GAN: variants seen among roughly 807,000 people sequenced by gnomAD.
GAN encodes the protein epididymis secretory sperm binding protein.
Under a neutral mutation model 71.3 loss-of-function variants are expected in GAN, and 48 were observed. The ratio of observed to expected loss-of-function variants is 0.67; its 90% CI spans 0.53 to 0.86. The LOEUF is 0.86. Ranked by LOEUF, GAN falls within the 40% of genes least tolerant of loss-of-function variation. GAN has a pLI of 0.00. For synonymous variants in GAN, 386 were observed against 276.8 expected (o/e 1.39, Z -3.92); for missense variants, 928 against 770.1 (o/e 1.21, Z -2.43).
intron 9 of GAN, among the ~76,000 whole-genome samples, chr16:81,370,006 T>C (rs752725316): frequency 2.0e-5 from 3 of 152,198 alleles, no homozygotes; most frequent in Non-Finnish European, 2.9e-5. Context: ...TTCCCAACCT[T>C]AGTATGGCAG....
At chr16:81,325,250 G>C (rs1909346675) in intron 1 of GAN, among the ~76,000 whole-genome samples, 1 of 152,236 alleles carries the variant, frequency 6.6e-6, no homozygotes, top group South Asian at 2.1e-4. Context: ...TAATTTTACA[G>C]ATACTTCTAG....
At chr16:81,351,551 A>T in intron 1 of GAN, 32 bp from the exon 2 acceptor site, 1 of 878,650 alleles carries the variant, frequency 1.1e-6, no homozygotes, top group Non-Finnish European at 2.0e-6. Flanking sequence ...CTGTTCTTTC[A>T]TAGAAATTTT....
In GAN at chr16:81,319,973, A is replaced by G. The variant is rs376450002; in HGVS notation, c.167+4693A>G. ...TTTATAGCTTTATTGTGTCATTTAA[A>G]GTTTTGTTTTATGTTAATATTAAAG... On this transcript the variant is annotated intron_variant, in intron 1 of 10. Coordinates refer to ENST00000648994, the MANE Select transcript of GAN (RefSeq NM_022041.4). Among the ~76,000 whole-genome samples, 16 of 152,268 alleles carry G rather than the reference A, an allele frequency of 1.1e-4. No individual in the cohort carries two copies. In the East Asian group the frequency reaches 1.3e-3, roughly 13 times the overall value.
intron 5 of GAN, among the ~76,000 whole-genome samples, chr16:81,358,554 A>G (rs889397769): frequency 6.6e-6 from 1 of 151,996 alleles, no homozygotes; most frequent in African/African-American, 2.4e-5. Flanking sequence ...GACTGCTGTG[A>G]GCCAAGATCA....
chr16:81,320,133 A>G (rs1281355721), intron 1 of GAN, among the ~76,000 whole-genome samples: 2 of 152,212 alleles, frequency 1.3e-5, no homozygotes, highest in East Asian at 3.8e-4. Context: ...ATTATTGATG[A>G]GCCTGTTTTG....
rs574113017 is a variant in GAN at position 81,347,487 on chromosome 16, T to G, written c.168-4096T>G. Among the ~76,000 whole-genome samples, 15 of 152,360 alleles carry G rather than the reference T, an allele frequency of 9.8e-5. No individual in the cohort carries two copies. In the South Asian group the frequency reaches 2.5e-3, roughly 25 times the overall value. On this transcript the variant is annotated intron_variant, in intron 1 of 10. Coordinates refer to ENST00000648994, the MANE Select transcript of GAN (RefSeq NM_022041.4). ...CCTTTCACTTCCTTCCTGTTTGGAT[T>G]GCATCTTGTTAGTATCCAGAATCTT...
chr16:81,369,765 G>A (rs903666586), intron 9 of GAN, among the ~76,000 whole-genome samples: 9 of 152,160 alleles, frequency 5.9e-5, no homozygotes, highest in African/African-American at 1.9e-4. Flanking sequence ...CTAATTTTTA[G>A]TAGAGGCAGG....
Position 81,390,274 on chromosome 16 carries a change from T to C in GAN, c.*12678T>C, listed in dbSNP as rs1393543303. The C allele has an allele frequency of 6.6e-6, 1 of 152,252 alleles. No individual in the cohort carries two copies. Among genetic ancestry groups the C allele is most frequent in the Admixed American group, 6.5e-5 (1 of 15,290 alleles). The allele number at this position is 152,252 out of a possible 1,614,324, so 9.4% of individuals were successfully genotyped here. ...GTGCTAAGTTGATTTCATTGAAATG[T>C]CACGTCTCACATCCTGTGGTCCAAA... On this transcript the variant is annotated 3_prime_UTR_variant, in exon 11 of 11. Transcript: ENST00000648994.
At chr16:81,357,664 T>C in intron 4 of GAN, 146 bp from the exon 5 acceptor site, 1 of 742,250 alleles carries the variant, frequency 1.3e-6, no homozygotes, top group African/African-American at 1.7e-5. Context: ...TAGTTCTAGA[T>C]CCCTGAGGAA....
In GAN at chr16:81,381,254, C is replaced by T. The variant is rs1904303336; in HGVS notation, c.*3658C>T. 6.6e-6 allele frequency: 1 copy of T among 152,130 alleles called. No homozygotes were observed. The highest frequency in any genetic ancestry group is 1.5e-5 in the Non-Finnish European group (1 of 68,022). 9.4% of individuals were successfully genotyped at this position (152,130 alleles called of 1,614,324 possible). ...TTGGTACATTCCTACCTCAGTGTACCAAACCAGGGATTCCAAAAACCTTCC... is the reference window on the plus strand; with the variant it reads ...TTGGTACATTCCTACCTCAGTGTACTAAACCAGGGATTCCAAAAACCTTCC... On this transcript the variant is annotated 3_prime_UTR_variant, in exon 11 of 11. Coordinates refer to ENST00000648994, the MANE Select transcript of GAN (RefSeq NM_022041.4).
intron 6 of GAN, among the ~76,000 whole-genome samples, chr16:81,363,383 G>A (rs1407211875): frequency 6.6e-6 from 1 of 152,218 alleles, no homozygotes; most frequent in Non-Finnish European, 1.5e-5. Context: ...TGTTGTGCTG[G>A]AAGAGTGGGC....
intron 5 of GAN, 66 bp downstream of exon 5, chr16:81,357,997 A>G (rs1910548586): frequency 5.4e-6 from 7 of 1,289,820 alleles, no homozygotes; most frequent in South Asian, 1.2e-5. Context: ...AAGGTTTTAC[A>G]GAATGACTCA....
At chr16:81,350,059 A>C (rs547125859) in intron 1 of GAN, among the ~76,000 whole-genome samples, 2 of 152,280 alleles carry the variant, frequency 1.3e-5, no homozygotes, top group South Asian at 4.1e-4. Flanking sequence ...CAAATTCTTC[A>C]TCAGTTTGTT....
At position 81,365,055 on chromosome 16, in the gene GAN, T is replaced by C; in HGVS notation, c.1318T>C (p.Cys440Arg). 1 of 1,613,530 alleles carries C rather than the reference T, an allele frequency of 6.2e-7. No homozygotes were observed. Among genetic ancestry groups the C allele is most frequent in the Middle Eastern group, 1.7e-4 (1 of 6,054 alleles). The change falls in exon 8 of 11, where the codon TGT becomes CGT. Residue 440 changes from cysteine (C) to arginine (R), a missense_variant. Coordinates refer to ENST00000648994, the MANE Select transcript of GAN (RefSeq NM_022041.4). ...CGGAAAGCTTTTTGAGTCTGTAGAGTGTTATGATCCCAGGACCCAGCAGTG... is the reference window on the plus strand; with the variant it reads ...CGGAAAGCTTTTTGAGTCTGTAGAGCGTTATGATCCCAGGACCCAGCAGTG... ...SYGKLFESVE[C>R]YDPRTQQWTA...
At position 81,377,242 on chromosome 16, in the gene GAN, AT is replaced by A; in HGVS notation, c.1529del (p.Leu510TyrfsTer16). On this transcript the variant is annotated frameshift_variant, in exon 10 of 11. Transcript: ENST00000648994. LOFTEE classifies it high-confidence loss of function. ...FKRWIYLNDQ[N>X]LCIPASSSFV... is the part of the protein sequence containing the mutation. The stretch of plus-strand genomic sequence containing the variant: ...AGGTGGATCTATCTTAACGACCAGA[AT>A]TTATGCATCCCCGCCAGTTCCTCTT... The A allele has an allele frequency of 6.2e-7, 1 of 1,610,266 alleles. No homozygotes were observed. Among genetic ancestry groups the A allele is most frequent in the Non-Finnish European group, 8.5e-7 (1 of 1,176,532 alleles).
In GAN at chr16:81,328,442, A is replaced by G. The variant is rs1909460097; in HGVS notation, c.167+13162A>G. ...AGAAATGTCATTCTCTTTGCCATTTAATTTGCAGGCTGAATGATGACACCA... is the reference window on the plus strand; with the variant it reads ...AGAAATGTCATTCTCTTTGCCATTTGATTTGCAGGCTGAATGATGACACCA... On this transcript the variant is annotated intron_variant, in intron 1 of 10. Transcript: ENST00000648994. Among the ~76,000 whole-genome samples the G allele has an allele frequency of 1.3e-5, 2 of 152,330 alleles. 1 individual carries two copies. Among genetic ancestry groups the G allele is most frequent in the Middle Eastern group, 6.8e-3 (2 of 294 alleles).
intron 2 of GAN, 31 bp from the exon 3 acceptor site, chr16:81,354,374 C>G (rs773910375): frequency 3.6e-6 from 5 of 1,377,090 alleles, no homozygotes; most frequent in Non-Finnish European, 5.2e-6. Context: ...TGTACACATT[C>G]AAATATAAGA....
Position 81,354,549 on chromosome 16 carries a change from C to T in GAN, c.427C>T (p.His143Tyr). 6.2e-7 allele frequency: 1 copy of T among 1,614,016 alleles called. No homozygotes were observed. The highest frequency in any genetic ancestry group is 8.5e-7 in the Non-Finnish European group (1 of 1,179,874). Reference protein sequence around the residue: ...NCIGIRDFALHYCLHHVHYLA... With the variant: ...NCIGIRDFALYYCLHHVHYLA... Reference sequence around the variant, plus strand: ...TATTGGTATCCGTGACTTTGCACTACATTACTGCCTCCATCACGTTCATTA... The same window carrying T: ...TATTGGTATCCGTGACTTTGCACTATATTACTGCCTCCATCACGTTCATTA... Residue 143 changes from histidine (H) to tyrosine (Y), a missense_variant, in exon 3 of 11, where the codon CAT (histidine) becomes TAT (tyrosine). Transcript: ENST00000648994.
intron 7 of GAN, 63 bp downstream of exon 7, chr16:81,364,006 T>C: frequency 8.4e-7 from 1 of 1,195,404 alleles, no homozygotes; most frequent in South Asian, 1.2e-5. Context: ...TTAATGTGTC[T>C]TCATATCCTG....
Sources: gnomAD v4.1 joint callset for allele counts (sites outside exome capture counted in the v4.1 genomes callset) on GRCh38, gnomAD v4.1.1 for gene constraint, MANE v1.5 for transcripts, NCBI Gene and HGNC (gene_info 2026-07-23, HGNC 2026-07-21) for gene names.